The following EPS8L1 variants were observed in gnomAD, a reference collection of about 807,000 sequenced individuals.
The protein encoded by EPS8L1 is EPS8 signaling adaptor L1, also known as epidermal growth factor receptor kinase substrate 8-like protein 1.
EPS8L1 carries 101 observed loss-of-function variants against 91.7 expected under a neutral mutation model. That is an observed-to-expected ratio of 1.10 (90% CI 0.94 to 1.30). The LOEUF (loss-of-function observed/expected upper bound fraction) is 1.30, where lower values mean the gene tolerates loss of function less well. EPS8L1 is among the 50% of genes most tolerant of loss of function. The pLI is 0.00. For missense variants in EPS8L1, 1,114 were observed against 1,017.0 expected, an observed-to-expected ratio of 1.10 and a Z score of -1.30; for synonymous variants, 506 against 445.3, an observed-to-expected ratio of 1.14 and a Z score of -1.72.
In EPS8L1 at chr19:55,080,275, C is replaced by T. The variant is rs1181399709; in HGVS notation, c.426C>T (p.Leu142=). 2 of 1,528,622 alleles carry T rather than the reference C, an allele frequency of 1.3e-6. No homozygotes were observed. The highest frequency in any genetic ancestry group is 2.0e-5 in the Admixed American group (1 of 49,716). The allele number at this position is 1,528,622 out of a possible 1,614,324, so 94.7% of individuals were successfully genotyped here. A position where few individuals can be genotyped will look rare whatever the true frequency, so the allele number is the denominator to read the frequency against. Residue 142 remains leucine, a synonymous_variant, in exon 6 of 20, where the codon CTC becomes CTT. Coordinates refer to ENST00000201647, the MANE Select transcript of EPS8L1 (RefSeq NM_133180.3). The part of the protein sequence containing the change: ...PDVHFFQGLR[L]GAELIREDIQ... ...TGCACTTCTTCCAGGGCCTGCGCCTCGGGGTGAGCAGATGGGCTGGCTCTG... is the reference window on the plus strand; with the variant it reads ...TGCACTTCTTCCAGGGCCTGCGCCTTGGGGTGAGCAGATGGGCTGGCTCTG...
rs1273593186 is a variant in EPS8L1, at chr19:55,078,093, A to G, written c.23A>G (p.Glu8Gly). ...ATTCCTCTTTTCTTCACCAGCCCAG[A>G]AGCTGCCCCAAAGCCAAGCGCCAAG... MSTATGPEAAPKPSAKSI... is the reference protein window; with the variant it reads MSTATGPGAAPKPSAKSI... The change falls in exon 3 of 20, where the codon GAA (glutamate) becomes GGA (glycine). Residue 8 changes from glutamate (E) to glycine (G), a missense_variant. Physicochemically the swap from Glu to Gly is moderately conservative, Grantham distance 98. Transcript: ENST00000201647. The G allele has an allele frequency of 7.4e-6, 12 of 1,613,620 alleles. No homozygotes were observed. The highest frequency in any genetic ancestry group is 1.0e-5 in the Non-Finnish European group (12 of 1,179,886).
rs73932298 is a variant in EPS8L1 at position 55,087,643 on chromosome 19, C to G, written c.*29C>G. Reference sequence around the variant, plus strand: ...GCCAGGCGCCCTTCGCAAAGAGTGACGAGGCCCCGTGGGAGAACGGACTCC... The same window carrying G: ...GCCAGGCGCCCTTCGCAAAGAGTGAGGAGGCCCCGTGGGAGAACGGACTCC... On this transcript the variant is annotated 3_prime_UTR_variant, in exon 20 of 20. Coordinates refer to ENST00000201647, the MANE Select transcript of EPS8L1 (RefSeq NM_133180.3). 1.2e-6 allele frequency: 2 copies of G among 1,611,288 alleles called. No homozygotes were observed. The highest frequency in any genetic ancestry group is 2.7e-5 in the African/African-American group (2 of 74,976).
At chr19:55,079,114 G>C (rs1454470209) in intron 4 of EPS8L1, 57 bp downstream of exon 4, 7 of 1,578,022 alleles carry the variant, frequency 4.4e-6, no homozygotes, top group Non-Finnish European at 6.1e-6. Flanking sequence ...GTGGCCTCAG[G>C]AGATAGGGCT....
In EPS8L1 at chr19:55,087,805, G is replaced by C. The variant is rs560958908; in HGVS notation, c.*191G>C. 7.8e-6 allele frequency: 5 copies of C among 643,860 alleles called. No homozygotes were observed. In the African/African-American group the frequency reaches 9.1e-5, roughly 12 times the overall value. 39.9% of individuals were successfully genotyped at this position (643,860 alleles called of 1,614,324 possible). ...TCCGGAGAGGATCTGGACTGGCTGG[G>C]AGTGGGGAGGGCGTGGAGACAGTCT... On this transcript the variant is annotated 3_prime_UTR_variant, in exon 20 of 20. Coordinates refer to ENST00000201647, the MANE Select transcript of EPS8L1 (RefSeq NM_133180.3).
At position 55,083,862 on chromosome 19, in the gene EPS8L1, G is replaced by A. The variant is rs527445390; in HGVS notation, c.1385+218G>A. On this transcript the variant is annotated intron_variant, in intron 14 of 19. Transcript: ENST00000201647. The surrounding 1 kb of genome is among the most constrained non-coding windows in gnomAD (Gnocchi z 4.7). ...CCAGACTTCTGGGGCTAAGGGAGTTGGGAATGGAGACCCGGATTCCTGGGC... is the reference window on the plus strand; with the variant it reads ...CCAGACTTCTGGGGCTAAGGGAGTTAGGAATGGAGACCCGGATTCCTGGGC... 3 of 706,508 alleles carry A rather than the reference G, an allele frequency of 4.2e-6. No homozygotes were observed. Among genetic ancestry groups the A allele is most frequent in the Admixed American group, 4.5e-5 (2 of 44,332 alleles). The allele number at this position is 706,508 out of a possible 1,614,324, so 43.8% of individuals were successfully genotyped here.
chr19:55,081,632 C>A lies in EPS8L1; in HGVS notation c.774+140C>A. 1 of 1,290,208 alleles carries A rather than the reference C, an allele frequency of 7.8e-7. No individual in the cohort carries two copies. The highest frequency in any genetic ancestry group is 1.0e-6 in the Non-Finnish European group (1 of 1,003,796). The allele number at this position is 1,290,208 out of a possible 1,614,324, so 79.9% of individuals were successfully genotyped here. A position where few individuals can be genotyped will look rare whatever the true frequency, so the allele number is the denominator to read the frequency against. On this transcript the variant is annotated intron_variant, in intron 8 of 19. Coordinates refer to ENST00000201647, the MANE Select transcript of EPS8L1 (RefSeq NM_133180.3). This position sits in a 1 kb window ranked among gnomAD's most constrained non-coding sequence, Gnocchi z 4.9. ...TATGGAAGAGGGGCTGGGTCGGGGG[C>A]GGGGCTTGGTTGTGGGGCGTGGCCA...
intron 7 of EPS8L1, 48 bp downstream of exon 7, chr19:55,080,902 C>G (rs1304951968): frequency 6.6e-7 from 1 of 1,507,384 alleles, no homozygotes; most frequent in East Asian, 2.3e-5. Context: ...GGTTTCCCCT[C>G]CTTGTGCCTC....
At position 55,081,647 on chromosome 19, in the gene EPS8L1, G is replaced by T; in HGVS notation, c.775-126G>T. On this transcript the variant is annotated intron_variant, in intron 8 of 19. Coordinates refer to ENST00000201647, the MANE Select transcript of EPS8L1 (RefSeq NM_133180.3). This position sits in a 1 kb window ranked among gnomAD's most constrained non-coding sequence, Gnocchi z 4.9. ...GGGTCGGGGGCGGGGCTTGGTTGTG[G>T]GGCGTGGCCAGGTGTTTGGGGCGTG... 1 of 1,459,868 alleles carries T rather than the reference G, an allele frequency of 6.8e-7. No individual in the cohort carries two copies. Among genetic ancestry groups the T allele is most frequent in the South Asian group, 1.4e-5 (1 of 71,894 alleles). 90.4% of individuals were successfully genotyped at this position (1,459,868 alleles called of 1,614,324 possible).
At chr19:55,082,707 A>G in intron 12 of EPS8L1, 105 bp downstream of exon 12, 1 of 1,112,516 alleles carries the variant, frequency 9.0e-7, no homozygotes, top group South Asian at 1.6e-5. Flanking sequence ...GAGAGTAGGG[A>G]GGGGTTAGAG....
At position 55,081,493 on chromosome 19, in the gene EPS8L1, G is replaced by C. The variant is rs1372951894; in HGVS notation, c.774+1G>C. 1 of 1,577,948 alleles carries C rather than the reference G, an allele frequency of 6.3e-7. No homozygotes were observed. On this transcript the variant is annotated splice_donor_variant, in intron 8 of 19. Transcript: ENST00000201647. LOFTEE classifies it high-confidence loss of function. This position sits in a 1 kb window ranked among gnomAD's most constrained non-coding sequence, Gnocchi z 4.9. ...GGTTCTGCAGGCGGAGCGGGAAGTG[G>C]TGAGCCGCTAAGGAAGGGGTCTGGG... is the stretch of plus-strand genomic sequence containing the variant.
At position 55,083,502 on chromosome 19, in the gene EPS8L1, G is replaced by A; in HGVS notation, c.1339G>A (p.Glu447Lys). 1 of 1,611,280 alleles carries A rather than the reference G, an allele frequency of 6.2e-7. No individual in the cohort carries two copies. The highest frequency in any genetic ancestry group is 8.5e-7 in the Non-Finnish European group (1 of 1,179,130). ...EDPVEKQLQH[E>K]RRRRQQSAPQ... is the part of the protein sequence containing the mutation. The stretch of plus-strand genomic sequence containing the variant: ...CCCAGTTGAGAAACAGCTACAGCAC[G>A]AGCGGAGGCGCCGGCAGGTGACCCA... The change falls in exon 13 of 20, where the codon GAG becomes AAG. Residue 447 changes from glutamate to lysine, a missense_variant. Transcript: ENST00000201647. The surrounding 1 kb of genome is among the most constrained non-coding windows in gnomAD (Gnocchi z 4.7).
In EPS8L1 at chr19:55,082,483, C is replaced by A. The variant is rs1602942496; in HGVS notation, c.1095C>A (p.Phe365Leu). The A allele has an allele frequency of 6.2e-7, 1 of 1,612,628 alleles. No homozygotes were observed. The highest frequency in any genetic ancestry group is 1.1e-5 in the South Asian group (1 of 91,038). Residue 365 changes from phenylalanine (F) to leucine (L), a missense_variant, in exon 12 of 20, where the codon TTC becomes TTA. Phe to Leu is a conservative substitution (Grantham distance 22). Coordinates refer to ENST00000201647, the MANE Select transcript of EPS8L1 (RefSeq NM_133180.3). ...TGAACACGTCGGGGGGGCCGGAGTT[C>A]GCGAGCAGTGTGCGGCGGCCGCATC... ...MIVNTSGGPE[F>L]ASSVRRPHLT... is the part of the protein sequence containing the mutation.
chr19:55,079,780 C>A lies in EPS8L1; in HGVS notation c.208C>A (p.Arg70=), dbSNP rs1026518646. Reference sequence around the variant, plus strand: ...GTTGGCCGTCATGGATAGCCAGGGCCGAGTCTGGGCACAGGAGATGCTGCT... The same window carrying A: ...GTTGGCCGTCATGGATAGCCAGGGCAGAGTCTGGGCACAGGAGATGCTGCT... The part of the protein sequence containing the change: ...RKLAVMDSQG[R]VWAQEMLLRV... Residue 70 remains arginine (R), a synonymous_variant, in exon 5 of 20, where the codon CGA becomes AGA. Transcript: ENST00000201647. The A allele has an allele frequency of 1.9e-6, 3 of 1,613,950 alleles. No individual in the cohort carries two copies. In the African/African-American group the frequency reaches 4.0e-5, roughly 22 times the overall value.
rs771039756 is a variant in EPS8L1, at chr19:55,081,441, C to A, written c.723C>A (p.Asp241Glu). The A allele has an allele frequency of 1.2e-6, 2 of 1,602,896 alleles. No individual in the cohort carries two copies. Among genetic ancestry groups the A allele is most frequent in the African/African-American group, 2.7e-5 (2 of 74,788 alleles). ...GCAACGCTGACTCGGCCTCCCCGGACCTGGGTCCCCGGGGTCCTGACCTGG... is the reference window on the plus strand; with the variant it reads ...GCAACGCTGACTCGGCCTCCCCGGAACTGGGTCCCCGGGGTCCTGACCTGG... ...TSSNADSASPDLGPRGPDLAV... is the reference protein window; with the variant it reads ...TSSNADSASPELGPRGPDLAV... Residue 241 changes from aspartate (D) to glutamate (E), a missense_variant, in exon 8 of 20, where the codon GAC becomes GAA. Coordinates refer to ENST00000201647, the MANE Select transcript of EPS8L1 (RefSeq NM_133180.3). The surrounding 1 kb of genome is among the most constrained non-coding windows in gnomAD (Gnocchi z 4.9).
In EPS8L1 at chr19:55,081,958, G is replaced by A. The variant is rs921368972; in HGVS notation, c.901+59G>A. On this transcript the variant is annotated intron_variant, in intron 9 of 19. Coordinates refer to ENST00000201647, the MANE Select transcript of EPS8L1 (RefSeq NM_133180.3). The surrounding 1 kb of genome is among the most constrained non-coding windows in gnomAD (Gnocchi z 4.9). ...CTCCCGATCTCTTCCAAATGTCCCC[G>A]CTCTCCCCAGGCTCTCCCCTCCCGC... is the stretch of plus-strand genomic sequence containing the variant. 6.4e-7 allele frequency: 1 copy of A among 1,568,340 alleles called. No individual in the cohort carries two copies. Among genetic ancestry groups the A allele is most frequent in the South Asian group, 1.2e-5 (1 of 86,830 alleles).
Position 55,086,112 on chromosome 19 carries a change from G to A in EPS8L1, c.1570G>A (p.Glu524Lys). The A allele has an allele frequency of 6.2e-7, 1 of 1,606,290 alleles. No individual in the cohort carries two copies. The highest frequency in any genetic ancestry group is 8.5e-7 in the Non-Finnish European group (1 of 1,175,278). ...WWKVRDPAGQ[E>K]GYVPYNILTP... ...GAAGGTTCGGGACCCAGCGGGGCAG[G>A]AGGGATATGTGCCCTACAACATCCT... Residue 524 changes from glutamate to lysine, a missense_variant, in exon 16 of 20, where the codon GAG (glutamate) becomes AAG (lysine). By Grantham distance (56) the Glu-to-Lys change is moderately conservative (BLOSUM62 1). Transcript: ENST00000201647.
chr19:55,085,101 T>G (rs1488774024), intron 14 of EPS8L1, among the ~76,000 whole-genome samples: 3 of 152,212 alleles, frequency 2.0e-5, no homozygotes, highest in African/African-American at 7.2e-5. Context: ...CCAACCGTTG[T>G]CATAAAGATC....
Position 55,076,418 on chromosome 19 carries a change from G to A in EPS8L1, c.-27G>A, listed in dbSNP as rs777408540. 19 of 1,611,088 alleles carry A rather than the reference G, an allele frequency of 1.2e-5. No individual in the cohort carries two copies. The South Asian group carries it at 1.9e-4, about 16-fold the overall frequency. ...TTTGCTGGCTCCCAGGGCACCTCCA[G>A]GTGGGCAGGAGCTACCACTCAGCAC... On this transcript the variant is annotated 5_prime_UTR_variant, in exon 2 of 20. Transcript: ENST00000201647.
At position 55,076,508 on chromosome 19, in the gene EPS8L1, C is replaced by T. The variant is rs746090994; in HGVS notation, c.17+47C>T. 8 of 1,597,438 alleles carry T rather than the reference C, an allele frequency of 5.0e-6. No individual in the cohort carries two copies. In the East Asian group the frequency reaches 1.6e-4, roughly 31 times the overall value. On this transcript the variant is annotated intron_variant, in intron 2 of 19. Transcript: ENST00000201647. The stretch of plus-strand genomic sequence containing the variant: ...GTCCCAGCCCCAGCACGCCTCCCGC[C>T]TCCCCTCGCCTCCTCACCCACACCC...
Sources: allele counts gnomAD v4.1 joint callset (sites outside exome capture counted in the v4.1 genomes callset), GRCh38; gene constraint gnomAD v4.1.1; non-coding constraint Gnocchi (gnomAD v3.1); transcripts MANE v1.5; gene names NCBI Gene and HGNC (gene_info 2026-07-23, HGNC 2026-07-21).